SH3PXD2A: variants seen among roughly 807,000 people sequenced by gnomAD.
The protein encoded by SH3PXD2A is SH3 and PX domains 2A.
SH3PXD2A carries 32 observed loss-of-function variants against 115.2 expected under a neutral mutation model. The observed-to-expected ratio is 0.28, with a 90% CI of 0.21 to 0.37. The LOEUF (loss-of-function observed/expected upper bound fraction) is 0.37, where lower values mean the gene tolerates loss of function less well. Among genes scored for constraint, SH3PXD2A ranks in the 10% least tolerant of loss-of-function variants. The pLI is 1.00. For missense variants in SH3PXD2A, 1,328 were observed against 1,498.7 expected, an observed-to-expected ratio of 0.89 and a Z score of 1.88; for synonymous variants, 610 against 629.1, an observed-to-expected ratio of 0.97 and a Z score of 0.45.
At chr10:103,608,020 G>T (rs2036352862) in intron 13 of SH3PXD2A, among the ~76,000 whole-genome samples, 1 of 151,820 alleles carries the variant, frequency 6.6e-6, no homozygotes, top group Non-Finnish European at 1.5e-5. Flanking sequence ...ACTGCGGAAG[G>T]CCTCGGGGTC....
At position 103,796,254 on chromosome 10, in the gene SH3PXD2A, T is replaced by G. The variant is rs184846575; in HGVS notation, c.153+5028A>C. On this transcript the variant is annotated intron_variant, in intron 2 of 14. Transcript: ENST00000369774. ...GGCATGCATCTGTGATCCCAGCTAC[T>G]TGGGAGGCTCAGGCTGGAAGATCTC... 2.6e-5 allele frequency among the ~76,000 whole-genome samples: 4 copies of G among 151,710 alleles called. No homozygotes were observed. In the East Asian group the frequency reaches 7.8e-4, roughly 29 times the overall value.
At chr10:103,680,430 C>T (rs1477188562) in intron 6 of SH3PXD2A, among the ~76,000 whole-genome samples, 1 of 151,880 alleles carries the variant, frequency 6.6e-6, no homozygotes, top group African/African-American at 2.4e-5. Context: ...AGGTGTGTGC[C>T]ACCACACTGG....
Position 103,594,207 on chromosome 10 carries a change from G to C in SH3PXD2A, c.*7609C>G, listed in dbSNP as rs535502649. On this transcript the variant is annotated 3_prime_UTR_variant, in exon 15 of 15. Transcript: ENST00000369774. ...GGACACCTGGAAAGTGGCAGGCCAA[G>C]GGGCTGGTCCCTTCCCCAAGGGCAC... 12 of 152,770 alleles carry C rather than the reference G, an allele frequency of 7.9e-5. No homozygotes were observed. Among genetic ancestry groups the C allele is most frequent in the African/African-American group, 2.4e-4 (10 of 41,566 alleles). 9.5% of individuals were successfully genotyped at this position (152,770 alleles called of 1,614,324 possible). A position where few individuals can be genotyped will look rare whatever the true frequency, so the allele number is the denominator to read the frequency against.
chr10:103,646,909 G>C (rs2037043790), intron 8 of SH3PXD2A, among the ~76,000 whole-genome samples: 1 of 152,150 alleles, frequency 6.6e-6, no homozygotes, highest in South Asian at 2.1e-4. Flanking sequence ...TGAGGGCAGA[G>C]AGATGGGTAG....
rs1191731030 is a variant in SH3PXD2A, at chr10:103,666,755, A to G, written c.472+1853T>C. Among the ~76,000 whole-genome samples the G allele has an allele frequency of 1.3e-5, 2 of 152,214 alleles. No homozygotes were observed. Among genetic ancestry groups the G allele is most frequent in the Admixed American group, 6.5e-5 (1 of 15,280 alleles). ...ATGAAGTGACGGGGCTTCAAGTCCT[A>G]TGGAAATCATAGATGGTCATTTTAA... On this transcript the variant is annotated intron_variant, in intron 7 of 14. Coordinates refer to ENST00000369774, the MANE Select transcript of SH3PXD2A (RefSeq NM_001394015.1). This position sits in a 1 kb window ranked among gnomAD's most constrained non-coding sequence, Gnocchi z 4.5.
chr10:103,691,603 C>A (rs988573570), intron 6 of SH3PXD2A, among the ~76,000 whole-genome samples: 1 of 152,122 alleles, frequency 6.6e-6, no homozygotes. Flanking sequence ...CCTTCTGCAC[C>A]AGTGGGTGTG....
intron 5 of SH3PXD2A, among the ~76,000 whole-genome samples, chr10:103,707,344 G>A (rs1031130265): frequency 7.9e-5 from 12 of 151,296 alleles, no homozygotes; most frequent in African/African-American, 2.9e-4. Flanking sequence ...ACAGATGCCC[G>A]CCAGCCATGC....
intron 2 of SH3PXD2A, among the ~76,000 whole-genome samples, chr10:103,799,161 T>G (rs1238076501): frequency 6.6e-6 from 1 of 152,228 alleles, no homozygotes; most frequent in Admixed American, 6.5e-5. Context: ...AACTCTAAGC[T>G]GCTCTCTTAC....
intron 6 of SH3PXD2A, among the ~76,000 whole-genome samples, chr10:103,671,579 T>G (rs755586208): frequency 6.6e-5 from 10 of 152,214 alleles, no homozygotes; most frequent in Non-Finnish European, 1.0e-4. Context: ...TCCCTCCCCC[T>G]TCTCTCTAGC....
chr10:103,717,111 G>T (rs2038114069), intron 5 of SH3PXD2A, among the ~76,000 whole-genome samples: 1 of 152,240 alleles, frequency 6.6e-6, no homozygotes, highest in Non-Finnish European at 1.5e-5. Flanking sequence ...AGGCACACAA[G>T]GGCCTTGCAA....
chr10:103,617,743 T>C (rs2036541386), intron 10 of SH3PXD2A, among the ~76,000 whole-genome samples: 1 of 152,182 alleles, frequency 6.6e-6, no homozygotes, highest in Non-Finnish European at 1.5e-5. Flanking sequence ...TTCCTCGAAA[T>C]GTGCCCTGTT....
chr10:103,791,008 G>A (rs1202183287), intron 2 of SH3PXD2A, among the ~76,000 whole-genome samples: 1 of 152,208 alleles, frequency 6.6e-6, no homozygotes, highest in Non-Finnish European at 1.5e-5. Context: ...GACATTCTCA[G>A]CCCTGCTGGA....
chr10:103,767,695 T>C (rs1220061904), intron 2 of SH3PXD2A, among the ~76,000 whole-genome samples: 3 of 148,980 alleles, frequency 2.0e-5, no homozygotes, highest in Non-Finnish European at 4.4e-5. Context: ...CCATTGCCCC[T>C]GCTGCCGGAA....
intron 5 of SH3PXD2A, among the ~76,000 whole-genome samples, chr10:103,721,990 T>G (rs2038187887): frequency 6.6e-6 from 1 of 151,978 alleles, no homozygotes; most frequent in Admixed American, 6.6e-5. Flanking sequence ...TTTTGTAATC[T>G]GTAATGTGGG....
At chr10:103,611,004 C>T (rs1169917277) in intron 13 of SH3PXD2A, among the ~76,000 whole-genome samples, 1 of 152,236 alleles carries the variant, frequency 6.6e-6, no homozygotes, top group African/African-American at 2.4e-5. Context: ...CAAGCCCTGG[C>T]CCCTGATGCG....
intron 9 of SH3PXD2A, among the ~76,000 whole-genome samples, chr10:103,623,303 G>A (rs143087030): frequency 6.9e-4 from 105 of 151,372 alleles, no homozygotes; most frequent in African/African-American, 2.4e-3. Flanking sequence ...TCCTGACCCC[G>A]TGCCCTGAGC....
At chr10:103,710,030 G>A (rs2038029338) in intron 5 of SH3PXD2A, among the ~76,000 whole-genome samples, 1 of 151,942 alleles carries the variant, frequency 6.6e-6, no homozygotes, top group Non-Finnish European at 1.5e-5. Flanking sequence ...GGGAGGCGGA[G>A]GTTGCAGTGA....
intron 6 of SH3PXD2A, among the ~76,000 whole-genome samples, chr10:103,679,559 G>T (rs1390206675): frequency 2.0e-5 from 3 of 152,216 alleles, no homozygotes; most frequent in Non-Finnish European, 4.4e-5. Flanking sequence ...GGAGAGGGGA[G>T]TTCCCCTGAC....
chr10:103,738,212 GA>G (rs1263061089), intron 3 of SH3PXD2A, among the ~76,000 whole-genome samples: 2 of 152,220 alleles, frequency 1.3e-5, no homozygotes, highest in African/African-American at 4.8e-5. Flanking sequence ...CTCGAAAGGA[GA>G]TAAAACGTGA....
Sources: gnomAD v4.1 joint callset for allele counts (sites outside exome capture counted in the v4.1 genomes callset) on GRCh38, gnomAD v4.1.1 for gene constraint, Gnocchi (gnomAD v3.1) non-coding constraint, MANE v1.5 for transcripts, NCBI Gene and HGNC (gene_info 2026-07-23, HGNC 2026-07-21) for gene names.